BTC: variants seen among roughly 807,000 people sequenced by gnomAD.
BTC encodes the protein betacellulin, also known as probetacellulin.
BTC carries 13 observed loss-of-function variants against 18.1 expected under a neutral mutation model. The observed-to-expected ratio is 0.72, with a 90% confidence interval of 0.47 to 1.14. The LOEUF is 1.14. BTC is among the 50% of genes most tolerant of loss of function. The pLI, the probability that BTC is intolerant of heterozygous loss-of-function variation, is 0.00. For synonymous variants in BTC, 83 were observed against 79.4 expected (o/e 1.05, Z -0.24); for missense variants, 247 against 224.2 (o/e 1.10, Z -0.65).
At chr4:74,757,426 C>A (rs1329993515) in intron 2 of BTC, among the ~76,000 whole-genome samples, 5 of 152,078 alleles carry the variant, frequency 3.3e-5, no homozygotes, top group African/African-American at 1.2e-4. Context: ...GAACTACATG[C>A]CAGATATTTG....
Position 74,794,473 on chromosome 4 carries a change from G to C in BTC, c.-148C>G. On this transcript the variant is annotated 5_prime_UTR_variant, in exon 1 of 6. Transcript: ENST00000395743. ...AACTACTTCCCAGGCTGGCACCCTG[G>C]CTACAAGGCAGGGAAACACCCAGGG... The C allele has an allele frequency of 1.1e-6, 1 of 921,734 alleles. No homozygotes were observed. The highest frequency in any genetic ancestry group is 1.6e-6 in the Non-Finnish European group (1 of 638,624). The allele number at this position is 921,734 out of a possible 1,614,324, so 57.1% of individuals were successfully genotyped here.
At position 74,769,335 on chromosome 4, in the gene BTC, A is replaced by G. The variant is rs573792931; in HGVS notation, c.163+723T>C. Among the ~76,000 whole-genome samples, 99 of 152,314 alleles carry G rather than the reference A, an allele frequency of 6.5e-4. 4 individuals are homozygous for G. The South Asian group carries it at 0.019, about 30-fold the overall frequency. ...CAAACATAACCTTAGACCAGGGGTC[A>G]GCAAACTGTAGTCCAAGGATCAGAT... is the stretch of plus-strand genomic sequence containing the variant. On this transcript the variant is annotated intron_variant, in intron 2 of 5. Transcript: ENST00000395743.
intron 1 of BTC, among the ~76,000 whole-genome samples, chr4:74,788,577 G>A (rs1725542517): frequency 6.6e-6 from 1 of 152,130 alleles, no homozygotes; most frequent in African/African-American, 2.4e-5. Flanking sequence ...TACAGTTTTA[G>A]ACACACTGTA....
intron 1 of BTC, among the ~76,000 whole-genome samples, chr4:74,789,363 C>T (rs1011168195): frequency 2.7e-4 from 41 of 152,232 alleles, no homozygotes; most frequent in Admixed American, 8.5e-4. Flanking sequence ...TCTTTTTAGA[C>T]AAATACCTAT....
chr4:74,788,039 G>C (rs966914806), intron 1 of BTC, among the ~76,000 whole-genome samples: 1 of 152,178 alleles, frequency 6.6e-6, no homozygotes, highest in Non-Finnish European at 1.5e-5. Flanking sequence ...AAATTCCCCA[G>C]ATAGGAAACC....
At chr4:74,782,861 A>G (rs7654271) in intron 1 of BTC, among the ~76,000 whole-genome samples, 25,566 of 151,944 alleles carry the variant, frequency 0.17, 3,400 homozygotes, top group African/African-American at 0.38. Flanking sequence ...GGTGATGTTG[A>G]GCTCTTTTTC....
intron 3 of BTC, among the ~76,000 whole-genome samples, chr4:74,751,267 G>T (rs1040364720): frequency 2.0e-5 from 3 of 151,974 alleles, no homozygotes; most frequent in Non-Finnish European, 4.4e-5. Flanking sequence ...AATTTCTTTC[G>T]TCTTTCCTCC....
intron 3 of BTC, among the ~76,000 whole-genome samples, chr4:74,752,797 T>C: frequency 6.6e-6 from 1 of 152,368 alleles, no homozygotes; most frequent in South Asian, 2.1e-4. Flanking sequence ...CTAACAAATT[T>C]ACTAAATGTG....
chr4:74,789,115 T>C (rs891357493), intron 1 of BTC, among the ~76,000 whole-genome samples: 20 of 152,352 alleles, frequency 1.3e-4, no homozygotes, highest in Non-Finnish European at 2.5e-4. Context: ...CAAGTATTTA[T>C]TGAGCACCTA....
chr4:74,746,308 C>T lies in BTC; in HGVS notation c.*369G>A, dbSNP rs1172109238. 6.6e-6 allele frequency: 1 copy of T among 152,240 alleles called. No homozygotes were observed. The highest frequency in any genetic ancestry group is 2.1e-4 in the South Asian group (1 of 4,828). 9.4% of individuals were successfully genotyped at this position (152,240 alleles called of 1,614,324 possible). A position where few individuals can be genotyped will look rare whatever the true frequency, so the allele number is the denominator to read the frequency against. Reference sequence around the variant, plus strand: ...AAATAATATATTTCAAACTTATTAGCACATGGTAAATGCTTGATAAATGGT... The same window carrying T: ...AAATAATATATTTCAAACTTATTAGTACATGGTAAATGCTTGATAAATGGT... On this transcript the variant is annotated 3_prime_UTR_variant, in exon 6 of 6. Coordinates refer to ENST00000395743, the MANE Select transcript of BTC (RefSeq NM_001729.4).
intron 5 of BTC, among the ~76,000 whole-genome samples, chr4:74,747,723 T>C (rs1553955614): frequency 6.6e-6 from 1 of 152,220 alleles, no homozygotes; most frequent in Admixed American, 6.5e-5. Context: ...ATTGCTATTG[T>C]TATTTTCTTT....
chr4:74,751,467 A>G (rs140323358), intron 3 of BTC, among the ~76,000 whole-genome samples: 2 of 151,888 alleles, frequency 1.3e-5, no homozygotes, highest in African/African-American at 2.4e-5. Flanking sequence ...CGTTCCCTTC[A>G]CTCTCCTCTA....
At chr4:74,750,046 T>C (rs528354898) in intron 4 of BTC, among the ~76,000 whole-genome samples, 2 of 151,890 alleles carry the variant, frequency 1.3e-5, no homozygotes, top group East Asian at 3.9e-4. Context: ...CAGTGAGCTA[T>C]GTTTACACCA....
intron 4 of BTC, among the ~76,000 whole-genome samples, chr4:74,749,297 G>A (rs1258590328): frequency 2.0e-5 from 3 of 151,714 alleles, no homozygotes; most frequent in Non-Finnish European, 4.4e-5. Context: ...TGTGGTGGCG[G>A]GCCCTTGTAA....
chr4:74,793,846 T>G (rs1312698126), intron 1 of BTC, among the ~76,000 whole-genome samples: 1 of 152,200 alleles, frequency 6.6e-6, no homozygotes, highest in Non-Finnish European at 1.5e-5. Flanking sequence ...TACTACCACG[T>G]GAGCTTCTTT....
chr4:74,759,176 G>A (rs1426887924), intron 2 of BTC, among the ~76,000 whole-genome samples: 2 of 152,068 alleles, frequency 1.3e-5, no homozygotes, highest in African/African-American at 4.8e-5. Context: ...CACGGGAGGG[G>A]GAATATACCC....
At chr4:74,782,304 G>T (rs765714334) in intron 1 of BTC, among the ~76,000 whole-genome samples, 19 of 152,104 alleles carry the variant, frequency 1.2e-4, no homozygotes, top group Non-Finnish European at 2.1e-4. Flanking sequence ...CCCACTATGT[G>T]TCCATGTGTT....
chr4:74,781,384 CGT>C (rs139134613), intron 1 of BTC, among the ~76,000 whole-genome samples: 4,713 of 125,638 alleles, frequency 0.038, 171 homozygotes, highest in African/African-American at 0.12. Context: ...TCTCTCGTCA[CGT>C]GTGTGTGTGT....
intron 1 of BTC, among the ~76,000 whole-genome samples, chr4:74,783,069 A>T (rs1725378915): frequency 6.6e-6 from 1 of 152,172 alleles, no homozygotes; most frequent in South Asian, 2.1e-4. Flanking sequence ...GTCTGATAAC[A>T]GTTTCTATTG....
Sources: gnomAD v4.1 joint callset for allele counts (sites outside exome capture counted in the v4.1 genomes callset) on GRCh38, gnomAD v4.1.1 for gene constraint, MANE v1.5 for transcripts, NCBI Gene and HGNC (gene_info 2026-07-23, HGNC 2026-07-21) for gene names.